Variants in TRPM3 observed in about 807,000 individuals in gnomAD.
The protein encoded by TRPM3 is transient receptor potential cation channel subfamily M member 3.
In TRPM3, 77 loss-of-function variants were observed where a neutral mutation model predicts 181.2. The observed-to-expected ratio is 0.42, with a 90% confidence interval of 0.35 to 0.51. The LOEUF (loss-of-function observed/expected upper bound fraction) is 0.51. Among genes scored for constraint, TRPM3 ranks in the 20% least tolerant of loss-of-function variants. The probability of loss-of-function intolerance (pLI) is 0.01; values close to 1 mark genes in which losing one functional copy is unlikely to be tolerated. For synonymous variants in TRPM3, 745 were observed against 796.4 expected (o/e 0.94, Z 1.09); for missense variants, 1,759 against 2,196.7 (o/e 0.80, Z 3.98).
intron 1 of TRPM3, among the ~76,000 whole-genome samples, chr9:71,161,789 A>C (rs1348256448): frequency 6.6e-6 from 1 of 152,186 alleles, no homozygotes; most frequent in Non-Finnish European, 1.5e-5. Flanking sequence ...CTATGTCAAA[A>C]GGAGAGTCTT....
chr9:70,690,033 C>T (rs764224592), intron 8 of TRPM3, among the ~76,000 whole-genome samples: 3 of 151,894 alleles, frequency 2.0e-5, no homozygotes, highest in Non-Finnish European at 2.9e-5. Context: ...ATGTATGCCA[C>T]GGTGAGCAAT....
chr9:70,914,861 A>G lies in TRPM3; in HGVS notation c.178-50350T>C, dbSNP rs547778716. Among the ~76,000 whole-genome samples the G allele has an allele frequency of 3.3e-5, 5 of 152,364 alleles. No individual in the cohort carries two copies. The East Asian group carries it at 5.8e-4, about 18-fold the overall frequency. ...CCAAGACCATCAAGACAGTACCTCC[A>G]TGAGTTTGCAAGAACTACAGTGTTA... On this transcript the variant is annotated intron_variant, in intron 1 of 25. Transcript: ENST00000677713.
intron 1 of TRPM3, among the ~76,000 whole-genome samples, chr9:70,964,294 A>G (rs1253238356): frequency 6.6e-6 from 1 of 152,142 alleles, no homozygotes; most frequent in East Asian, 1.9e-4. Context: ...CAATAAGCTC[A>G]AAGCTGAGGT....
intron 1 of TRPM3, among the ~76,000 whole-genome samples, chr9:71,396,017 G>T (rs781609479): frequency 2.0e-5 from 3 of 152,040 alleles, no homozygotes; most frequent in Non-Finnish European, 2.9e-5. Context: ...AATAAGAAAC[G>T]TTAATAAAAA....
intron 1 of TRPM3, among the ~76,000 whole-genome samples, chr9:71,035,780 A>G (rs1238131167): frequency 6.6e-6 from 1 of 152,154 alleles, no homozygotes; most frequent in Non-Finnish European, 1.5e-5. Context: ...TCAAACTTTT[A>G]CTGGGACTTG....
chr9:71,301,022 C>T (rs143324363), intron 1 of TRPM3, among the ~76,000 whole-genome samples: 1 of 151,646 alleles, frequency 6.6e-6, no homozygotes, highest in East Asian at 1.9e-4. Flanking sequence ...TCACCACGCT[C>T]TCATTTCATC....
chr9:70,943,535 A>AT (rs555535954), intron 1 of TRPM3, among the ~76,000 whole-genome samples: 42 of 152,160 alleles, frequency 2.8e-4, no homozygotes, highest in Non-Finnish European at 5.7e-4. Context: ...GTTAGAAATA[A>AT]TTTTTATTGA....
intron 5 of TRPM3, among the ~76,000 whole-genome samples, chr9:70,840,233 A>C (rs565084652): frequency 6.6e-6 from 1 of 152,302 alleles, no homozygotes; most frequent in South Asian, 2.1e-4. Flanking sequence ...CAAGAGCCTG[A>C]GAAATCTTAG....
At chr9:70,811,942 C>T (rs2092123426) in intron 6 of TRPM3, among the ~76,000 whole-genome samples, 1 of 152,134 alleles carries the variant, frequency 6.6e-6, no homozygotes, top group African/African-American at 2.4e-5. Flanking sequence ...ACTATGTCTA[C>T]ATATCTTCCA....
chr9:71,019,829 T>C (rs1382861358), intron 1 of TRPM3, among the ~76,000 whole-genome samples: 1 of 151,900 alleles, frequency 6.6e-6, no homozygotes, highest in African/African-American at 2.4e-5. Flanking sequence ...AAAGCTAGAG[T>C]GTGTCAGTGC....
At position 70,536,426 on chromosome 9, in the gene TRPM3, T is replaced by C; in HGVS notation, c.4687A>G (p.Ile1563Val). ...GGGGCATTGACACACCTTGTGTCAA[T>C]ACAGTCTGTAATACTTGTGTATTCT... ...TAEYTSITDC[I>V]DTRCVNAPQA... is the part of the protein sequence containing the mutation. The change falls in exon 26 of 26, where the codon ATT becomes GTT. Residue 1563 changes from isoleucine to valine, a missense_variant. Physicochemically the swap from Ile to Val is conservative, Grantham distance 29 (BLOSUM62 3). This residue lies in a region of TRPM3 where 612 missense variants were observed against 590.0 expected (regional missense o/e 1.04). Transcript: ENST00000677713. 6.2e-7 allele frequency: 1 copy of C among 1,614,210 alleles called. No homozygotes were observed.
At chr9:71,322,078 T>G (rs140445850) in intron 1 of TRPM3, among the ~76,000 whole-genome samples, 1 of 152,232 alleles carries the variant, frequency 6.6e-6, no homozygotes, top group African/African-American at 2.4e-5. Flanking sequence ...GGACAGAACT[T>G]TTGACTCACA....
intron 1 of TRPM3, among the ~76,000 whole-genome samples, chr9:71,155,698 G>A (rs1015832425): frequency 7.9e-5 from 12 of 151,910 alleles, no homozygotes; most frequent in South Asian, 4.2e-4. Context: ...CTACAAGATA[G>A]ACAAGATCTC....
chr9:71,257,552 T>C (rs973412210), intron 1 of TRPM3, among the ~76,000 whole-genome samples: 69 of 152,342 alleles, frequency 4.5e-4, no homozygotes, highest in African/African-American at 1.5e-3. Flanking sequence ...TATTTTTCAA[T>C]AAAATAGCAA....
Position 71,422,384 on chromosome 9 carries a change from T to C in TRPM3, c.183+24269A>G, listed in dbSNP as rs146206264. On this transcript the variant is annotated intron_variant, in intron 1 of 24. Transcript: ENST00000357533. ...CACTTGCATGTGTCATTTAGGACAA[T>C]AGTTTTCTCCTTTGCCTTGGAGGGA... Among the ~76,000 whole-genome samples, 19 of 152,190 alleles carry C rather than the reference T, an allele frequency of 1.2e-4. No individual in the cohort carries two copies. In the East Asian group the frequency reaches 2.7e-3, roughly 22 times the overall value.
intron 1 of TRPM3, among the ~76,000 whole-genome samples, chr9:71,128,673 A>C (rs12002306): frequency 1.4e-3 from 217 of 152,342 alleles, no homozygotes; most frequent in African/African-American, 5.0e-3. Flanking sequence ...GAAAGCCATA[A>C]ATTTGACCAA....
At chr9:70,755,232 T>C (rs1388041184) in intron 8 of TRPM3, among the ~76,000 whole-genome samples, 1 of 151,718 alleles carries the variant, frequency 6.6e-6, no homozygotes, top group Non-Finnish European at 1.5e-5. Flanking sequence ...TTCACCAAGG[T>C]TGAAATGAAG....
At chr9:71,209,145 A>G (rs762893911) in intron 1 of TRPM3, among the ~76,000 whole-genome samples, 1 of 152,140 alleles carries the variant, frequency 6.6e-6, no homozygotes, top group Non-Finnish European at 1.5e-5. Context: ...ATTATGTACC[A>G]TGATTGCTAA....
rs78521081 is a variant in TRPM3 at position 71,439,384 on chromosome 9, A to G, written c.183+7269T>C. 7.0e-3 allele frequency among the ~76,000 whole-genome samples: 1,065 copies of G among 152,378 alleles called. 10 individuals carry two copies. Among genetic ancestry groups the G allele is most frequent in the African/African-American group, 0.023 (976 of 41,588 alleles). On this transcript the variant is annotated intron_variant, in intron 1 of 24. Coordinates refer to the TRPM3 transcript ENST00000357533. ...TTCCATTCAGTGAATAGCTCTGACC[A>G]GACACTGAATTAACTATACACATCA...
Sources: gnomAD v4.1 joint callset for allele counts (sites outside exome capture counted in the v4.1 genomes callset) on GRCh38, gnomAD v4.1.1 for gene constraint, gnomAD v4.1.1 regional missense constraint, MANE v1.5 for transcripts, NCBI Gene and HGNC (gene_info 2026-07-23, HGNC 2026-07-21) for gene names.